The following SORCS3 variants were observed in gnomAD, a reference collection of about 807,000 sequenced individuals.
The protein encoded by SORCS3 is VPS10 domain-containing receptor SorCS3.
Under a neutral mutation model 146.3 loss-of-function variants are expected in SORCS3, and 57 were observed. The observed-to-expected ratio is 0.39, with a 90% CI of 0.31 to 0.49. The LOEUF (loss-of-function observed/expected upper bound fraction) is 0.49, where lower values mean the gene tolerates loss of function less well. Among genes scored for constraint, SORCS3 ranks in the 20% least tolerant of loss-of-function variants. The pLI is 0.92. For synonymous variants in SORCS3, 653 were observed against 618.5 expected (o/e 1.06, Z -0.83); for missense variants, 1,341 against 1,575.5 (o/e 0.85, Z 2.52).
chr10:105,058,496 C>A (rs1430848030), intron 5 of SORCS3, among the ~76,000 whole-genome samples: 2 of 152,204 alleles, frequency 1.3e-5, no homozygotes, highest in Non-Finnish European at 2.9e-5. Context: ...ACATGAGTTA[C>A]ATTATTGAGG....
intron 3 of SORCS3, among the ~76,000 whole-genome samples, chr10:104,976,460 G>A (rs922910814): frequency 6.6e-6 from 1 of 152,158 alleles, no homozygotes; most frequent in African/African-American, 2.4e-5. Flanking sequence ...TACACTGTTG[G>A]GGGGACTGTA....
intron 11 of SORCS3, among the ~76,000 whole-genome samples, chr10:105,161,249 G>A (rs1165072618): frequency 2.6e-5 from 4 of 152,124 alleles, no homozygotes; most frequent in African/African-American, 4.8e-5. Flanking sequence ...AGTCACTGGC[G>A]CGTGCCTCTT....
At chr10:105,028,068 C>G (rs2055242458) in intron 4 of SORCS3, among the ~76,000 whole-genome samples, 1 of 152,200 alleles carries the variant, frequency 6.6e-6, no homozygotes, top group Non-Finnish European at 1.5e-5. Context: ...TCAGGTTTTG[C>G]AGTGGCTTTA....
At chr10:105,138,658 C>A (rs2056074707) in intron 7 of SORCS3, among the ~76,000 whole-genome samples, 1 of 152,194 alleles carries the variant, frequency 6.6e-6, no homozygotes. Context: ...CAGGCCCTGG[C>A]CAGAGGACCA....
intron 11 of SORCS3, 83 bp from the exon 12 acceptor site, chr10:105,164,220 C>T: frequency 9.9e-7 from 1 of 1,006,814 alleles, no homozygotes; most frequent in Admixed American, 1.8e-5. Flanking sequence ...AAAACCTTTA[C>T]TCTCTGCTCC....
chr10:104,722,223 C>G (rs2016558606), intron 1 of SORCS3, among the ~76,000 whole-genome samples: 1 of 152,144 alleles, frequency 6.6e-6, no homozygotes, highest in African/African-American at 2.4e-5. Context: ...TTTTCTGCAT[C>G]TATTGAGATA....
chr10:104,870,545 G>A (rs1417607567), intron 2 of SORCS3, among the ~76,000 whole-genome samples: 1 of 152,182 alleles, frequency 6.6e-6, no homozygotes, highest in Non-Finnish European at 1.5e-5. Context: ...TTTGGAGAGA[G>A]ACTTTTGAGG....
chr10:104,831,771 GA>G lies in SORCS3; in HGVS notation c.628-11017del, dbSNP rs546511549. Among the ~76,000 whole-genome samples, 15 of 152,270 alleles carry G rather than the reference GA, an allele frequency of 9.9e-5. No homozygotes were observed. The East Asian group carries it at 2.9e-3, about 29-fold the overall frequency. Reference sequence around the variant, plus strand: ...CCAGTGTAGGTTCAAGCCTGCTGGGGAAAACCTGCACCTTGCTGGGTCACAG... The same window carrying G: ...CCAGTGTAGGTTCAAGCCTGCTGGGGAAACCTGCACCTTGCTGGGTCACAG... On this transcript the variant is annotated intron_variant, in intron 1 of 26. Coordinates refer to ENST00000369701, the MANE Select transcript of SORCS3 (RefSeq NM_014978.3).
chr10:104,908,904 C>T (rs1465504438), intron 2 of SORCS3, among the ~76,000 whole-genome samples: 1 of 152,118 alleles, frequency 6.6e-6, no homozygotes, highest in Admixed American at 6.5e-5. Context: ...GCCTTGAATG[C>T]CAGACAGAGG....
intron 9 of SORCS3, among the ~76,000 whole-genome samples, chr10:105,153,083 C>G (rs1379092289): frequency 2.0e-5 from 3 of 152,004 alleles, no homozygotes; most frequent in Non-Finnish European, 2.9e-5. Context: ...GTTCCATTAC[C>G]CCAAATATTC....
At chr10:105,241,002 T>A (rs1327902041) in intron 20 of SORCS3, among the ~76,000 whole-genome samples, 2 of 151,932 alleles carry the variant, frequency 1.3e-5, no homozygotes, top group African/African-American at 2.4e-5. Context: ...ATTTATTTCC[T>A]ACTAAATCTC....
intron 3 of SORCS3, among the ~76,000 whole-genome samples, chr10:104,974,860 T>C (rs1210607364): frequency 6.6e-6 from 1 of 152,192 alleles, no homozygotes; most frequent in Non-Finnish European, 1.5e-5. Context: ...TGTTTAGTGC[T>C]TCCTTCAGGA....
intron 3 of SORCS3, among the ~76,000 whole-genome samples, chr10:104,960,015 G>A (rs2054783896): frequency 6.6e-6 from 1 of 152,146 alleles, no homozygotes; most frequent in Non-Finnish European, 1.5e-5. Flanking sequence ...GGTTGTTGCA[G>A]CAGCAAGTTG....
At chr10:105,001,461 G>A (rs1294803094) in intron 4 of SORCS3, among the ~76,000 whole-genome samples, 2 of 152,242 alleles carry the variant, frequency 1.3e-5, no homozygotes, top group Non-Finnish European at 2.9e-5. Flanking sequence ...GGCAGGGATT[G>A]TGTTGTCCTG....
At chr10:104,883,581 G>A (rs1564705250) in intron 2 of SORCS3, among the ~76,000 whole-genome samples, 1 of 152,136 alleles carries the variant, frequency 6.6e-6, no homozygotes, top group Non-Finnish European at 1.5e-5. Flanking sequence ...TAAGAAAAAT[G>A]CCTTCTTTGG....
chr10:104,924,187 T>G (rs763021833), intron 3 of SORCS3, among the ~76,000 whole-genome samples: 1 of 152,202 alleles, frequency 6.6e-6, no homozygotes, highest in African/African-American at 2.4e-5. Flanking sequence ...TCTCGGAGAC[T>G]GTGCAGACCC....
chr10:105,172,072 A>G (rs2056364866), intron 13 of SORCS3, among the ~76,000 whole-genome samples: 1 of 152,186 alleles, frequency 6.6e-6, no homozygotes, highest in Admixed American at 6.5e-5. Context: ...GAGCAATAGT[A>G]AATCTACTTG....
intron 20 of SORCS3, among the ~76,000 whole-genome samples, chr10:105,232,230 C>A (rs2056769667): frequency 6.6e-6 from 1 of 152,024 alleles, no homozygotes; most frequent in Non-Finnish European, 1.5e-5. Context: ...AGATATAGTT[C>A]TATTCAAATA....
chr10:105,105,277 T>C, intron 6 of SORCS3, 120 bp from the exon 7 acceptor site: 1 of 611,676 alleles, frequency 1.6e-6, no homozygotes. Context: ...AAGCATGAAA[T>C]CTCACTGTTA....
Sources: gnomAD v4.1 joint callset for allele counts (sites outside exome capture counted in the v4.1 genomes callset) on GRCh38, gnomAD v4.1.1 for gene constraint, MANE v1.5 for transcripts, NCBI Gene and HGNC (gene_info 2026-07-23, HGNC 2026-07-21) for gene names.